Variants in LPIN2 observed in about 807,000 individuals in gnomAD.
LPIN2 encodes lipin 2, also known as phosphatidate phosphatase LPIN2.
LPIN2 carries 55 observed loss-of-function variants against 111.4 expected under a neutral mutation model. The ratio of observed to expected loss-of-function variants is 0.49; its 90% confidence interval spans 0.40 to 0.62. LPIN2 has a LOEUF of 0.62. LPIN2 is among the 20% of genes least tolerant of loss of function. The pLI is 0.00. For missense variants in LPIN2, 992 were observed against 1,112.1 expected, an observed-to-expected ratio of 0.89 and a Z score of 1.54; for synonymous variants, 425 against 414.0, an observed-to-expected ratio of 1.03 and a Z score of -0.32.
intron 17 of LPIN2, 188 bp from the exon 18 acceptor site, chr18:2,921,835 A>G: frequency 1.2e-6 from 1 of 807,760 alleles, no homozygotes. Flanking sequence ...GGAAGGAGAA[A>G]ACTTGACGGT....
intron 1 of LPIN2, among the ~76,000 whole-genome samples, chr18:2,967,968 T>C (rs1225399662): frequency 2.0e-5 from 3 of 152,234 alleles, no homozygotes; most frequent in East Asian, 3.8e-4. Flanking sequence ...TTAAAGCCCA[T>C]GCGGTCTTCC....
In LPIN2 at chr18:2,920,868, T is replaced by C. The variant is rs1229886280; in HGVS notation, c.2456A>G (p.Tyr819Cys). 1.9e-6 allele frequency: 3 copies of C among 1,612,536 alleles called. No homozygotes were observed. Among genetic ancestry groups the C allele is most frequent in the Admixed American group, 1.7e-5 (1 of 60,010 alleles). The change falls in exon 19 of 20, where the codon TAC (tyrosine) becomes TGC (cysteine). Residue 819 changes from tyrosine (Y) to cysteine (C), a missense_variant. Around this residue, in one of 4 missense-constraint regions of LPIN2, gnomAD observed 185 missense variants for 186.5 expected, o/e 0.99. Transcript: ENST00000677752. ...ACAGTCTGGAACTCCAACTTGTGTGTAGGCATAGACATCCTGCAGAAGAAA... is the reference window on the plus strand; with the variant it reads ...ACAGTCTGGAACTCCAACTTGTGTGCAGGCATAGACATCCTGCAGAAGAAA... ...FGNRPNDVYA[Y>C]TQVGVPDCRI...
chr18:2,987,019 T>C lies in LPIN2; in HGVS notation c.-10+26068A>G, dbSNP rs373110358. Among the ~76,000 whole-genome samples the C allele has an allele frequency of 9.2e-5, 14 of 152,256 alleles. No individual in the cohort carries two copies. The East Asian group carries it at 2.5e-3, about 27-fold the overall frequency. On this transcript the variant is annotated intron_variant, in intron 1 of 19. Transcript: ENST00000677752. The stretch of plus-strand genomic sequence containing the variant: ...CCTGTTAATTGCCTAATTGTTTCTG[T>C]TTAAATGTCTTTTTCTTCTCCCATT...
rs2143120377 is a variant in LPIN2, at chr18:2,952,656, G to C, written c.289-1300C>G. Among the ~76,000 whole-genome samples the C allele has an allele frequency of 2.0e-5, 3 of 152,022 alleles. No homozygotes were observed. The South Asian group carries it at 6.2e-4, about 31-fold the overall frequency. ...AATAAGATATTCTGAATGTCCAAAAGAAACCCAGATGAGAGGTCGTGGTCT... is the reference window on the plus strand; with the variant it reads ...AATAAGATATTCTGAATGTCCAAAACAAACCCAGATGAGAGGTCGTGGTCT... On this transcript the variant is annotated intron_variant, in intron 3 of 19. Coordinates refer to ENST00000677752, the MANE Select transcript of LPIN2 (RefSeq NM_001375808.2).
At chr18:2,991,009 C>T (rs563001145) in intron 1 of LPIN2, 5 of 568,552 alleles carry the variant, frequency 8.8e-6, no homozygotes, top group South Asian at 6.9e-5. Context: ...GATGCCTGGG[C>T]CCCCAATGAT....
intron 1 of LPIN2, chr18:2,982,805 G>A: frequency 9.9e-7 from 1 of 1,007,588 alleles, no homozygotes; most frequent in South Asian, 1.3e-5. Context: ...TTTCAGAGAT[G>A]AAGGTATATA....
At chr18:2,969,760 G>T (rs2077874506) in intron 1 of LPIN2, among the ~76,000 whole-genome samples, 1 of 152,180 alleles carries the variant, frequency 6.6e-6, no homozygotes, top group African/African-American at 2.4e-5. Flanking sequence ...AGCTGGAAAT[G>T]AGGTCTTAAA....
At chr18:2,949,707 A>C (rs2077505403) in intron 4 of LPIN2, among the ~76,000 whole-genome samples, 1 of 152,272 alleles carries the variant, frequency 6.6e-6, no homozygotes, top group African/African-American at 2.4e-5. Flanking sequence ...TTTAAAATCT[A>C]GATTTCAAAA....
intron 9 of LPIN2, among the ~76,000 whole-genome samples, chr18:2,930,667 T>A (rs1250017475): frequency 6.6e-6 from 1 of 152,234 alleles, no homozygotes; most frequent in Non-Finnish European, 1.5e-5. Flanking sequence ...AAAATGCTGA[T>A]GAATTGAGGA....
chr18:2,932,845 C>T (rs1008302908), intron 8 of LPIN2, among the ~76,000 whole-genome samples: 3 of 152,176 alleles, frequency 2.0e-5, no homozygotes, highest in Non-Finnish European at 4.4e-5. Context: ...AGCCTGTGTT[C>T]CTGAATCCCT....
At chr18:2,992,974 CAAAAAAA>C (rs59159362) in intron 1 of LPIN2, among the ~76,000 whole-genome samples, 3 of 97,362 alleles carry the variant, frequency 3.1e-5, no homozygotes, top group Non-Finnish European at 4.1e-5. Context: ...AGACCCGTCT[CAAAAAAA>C]AAAAAAAAAA....
At chr18:2,936,782 G>T (rs948271309) in intron 7 of LPIN2, among the ~76,000 whole-genome samples, 3 of 152,220 alleles carry the variant, frequency 2.0e-5, no homozygotes, top group African/African-American at 7.2e-5. Context: ...GTTTCACTAT[G>T]TTGCCCAGGC....
intron 1 of LPIN2, among the ~76,000 whole-genome samples, 166 bp downstream of exon 1, chr18:3,012,921 C>T (rs949255240): frequency 4.0e-5 from 6 of 151,426 alleles, no homozygotes; most frequent in Middle Eastern, 3.4e-3. Context: ...GACCGGGAAG[C>T]GGGGACCGCG....
At chr18:2,982,548 A>G (rs2078127125) in intron 1 of LPIN2, 4 of 357,692 alleles carry the variant, frequency 1.1e-5, no homozygotes, top group Admixed American at 4.1e-5. Flanking sequence ...ACAACATTAC[A>G]TTTTCCTAAG....
chr18:2,931,690 A>G (rs1201379536), intron 8 of LPIN2, among the ~76,000 whole-genome samples: 1 of 152,230 alleles, frequency 6.6e-6, no homozygotes, highest in African/African-American at 2.4e-5. Flanking sequence ...CAAAATCACC[A>G]CGGTCATTCA....
intron 1 of LPIN2, among the ~76,000 whole-genome samples, chr18:2,992,371 C>A (rs904461601): frequency 3.3e-5 from 5 of 152,034 alleles, no homozygotes; most frequent in African/African-American, 1.2e-4. Flanking sequence ...TAGGCAAATT[C>A]ATAAATAAAA....
At chr18:2,964,513 C>A (rs1285642816) in intron 1 of LPIN2, among the ~76,000 whole-genome samples, 1 of 152,062 alleles carries the variant, frequency 6.6e-6, no homozygotes, top group Non-Finnish European at 1.5e-5. Flanking sequence ...GAGACCCAGA[C>A]CACGCTCTCT....
chr18:2,999,261 T>C (rs1234809046), intron 1 of LPIN2, among the ~76,000 whole-genome samples: 1 of 152,094 alleles, frequency 6.6e-6, no homozygotes, highest in Non-Finnish European at 1.5e-5. Flanking sequence ...ACGAGGTCAT[T>C]AAGGCTGGCC....
intron 1 of LPIN2, among the ~76,000 whole-genome samples, chr18:2,981,180 G>A (rs1160486285): frequency 6.6e-6 from 1 of 151,644 alleles, no homozygotes; most frequent in Non-Finnish European, 1.5e-5. Flanking sequence ...TGCCCAGAAA[G>A]GATGTGATTT....
Sources: allele counts gnomAD v4.1 joint callset (sites outside exome capture counted in the v4.1 genomes callset), GRCh38; gene constraint gnomAD v4.1.1; regional missense constraint gnomAD v4.1.1; transcripts MANE v1.5; gene names NCBI Gene and HGNC (gene_info 2026-07-23, HGNC 2026-07-21).